IGSF10: variants seen among roughly 807,000 people sequenced by gnomAD.
IGSF10 encodes the protein calvaria mechanical force protein 608.
IGSF10 carries 126 observed loss-of-function variants against 128.2 expected under a neutral mutation model. The ratio of observed to expected loss-of-function variants is 0.98; its 90% CI spans 0.85 to 1.14. The LOEUF (loss-of-function observed/expected upper bound fraction) is 1.14. Ranked by LOEUF, IGSF10 falls within the 50% of genes most tolerant of loss-of-function variation. IGSF10 has a pLI of 0.00. For missense variants in IGSF10, 3,295 were observed against 3,149.8 expected, an observed-to-expected ratio of 1.05 and a Z score of -1.10; for synonymous variants, 1,185 against 1,146.2, an observed-to-expected ratio of 1.03 and a Z score of -0.68.
the IGSF10 span, among the ~76,000 whole-genome samples, chr3:151,594,639 T>TA: frequency 8.6e-5 from 13 of 150,324 alleles, no homozygotes; most frequent in African/African-American, 2.5e-4. Context: ...TTTTTTTTTT[T>TA]ATCAACTCTT....
intron 7 of IGSF10, among the ~76,000 whole-genome samples, chr3:151,438,980 CTTA>C (rs1485024811): frequency 6.6e-6 from 1 of 152,076 alleles, no homozygotes; most frequent in Non-Finnish European, 1.5e-5. Context: ...TTACTACCAG[CTTA>C]TTGTCTTCTA....
chr3:151,544,259 G>T, the IGSF10 span, among the ~76,000 whole-genome samples: 1 of 152,146 alleles, frequency 6.6e-6, no homozygotes, highest in Non-Finnish European at 1.5e-5. Flanking sequence ...TCAGGACTGG[G>T]TTTGCCTAGG....
chr3:151,550,246 T>G, the IGSF10 span, among the ~76,000 whole-genome samples: 1 of 152,180 alleles, frequency 6.6e-6, no homozygotes, highest in East Asian at 1.9e-4. Flanking sequence ...TTTTGGCATA[T>G]CTCCGGAGTA....
At chr3:151,494,578 A>G in the IGSF10 span, among the ~76,000 whole-genome samples, 1 of 152,108 alleles carries the variant, frequency 6.6e-6, no homozygotes, top group East Asian at 1.9e-4. Flanking sequence ...AATACGACTC[A>G]GGGTTGCAAT....
At chr3:151,548,222 A>G in the IGSF10 span, among the ~76,000 whole-genome samples, 1 of 152,178 alleles carries the variant, frequency 6.6e-6, no homozygotes, top group Non-Finnish European at 1.5e-5. Context: ...TGACTACCCT[A>G]AACATTATGC....
the IGSF10 span, among the ~76,000 whole-genome samples, chr3:151,506,946 T>C: frequency 6.6e-6 from 1 of 152,224 alleles, no homozygotes; most frequent in African/African-American, 2.4e-5. Context: ...CTATTATAGT[T>C]TTTAAATAGT....
intron 3 of IGSF10, among the ~76,000 whole-genome samples, chr3:151,458,059 A>G (rs1721882666): frequency 6.6e-6 from 1 of 152,056 alleles, no homozygotes; most frequent in African/African-American, 2.4e-5. Flanking sequence ...TTAGGCATCC[A>G]TTTTAAATAA....
the IGSF10 span, among the ~76,000 whole-genome samples, chr3:151,494,923 G>T: frequency 6.6e-6 from 1 of 151,910 alleles, no homozygotes; most frequent in African/African-American, 2.4e-5. Context: ...GAAACCTTCT[G>T]GGAAAGGCTT....
Position 151,436,880 on chromosome 3 carries a change from T to C in IGSF10, c.7681A>G (p.Thr2561Ala). 1 of 1,614,106 alleles carries C rather than the reference T, an allele frequency of 6.2e-7. No homozygotes were observed. The highest frequency in any genetic ancestry group is 8.5e-7 in the Non-Finnish European group (1 of 1,179,998). The change falls in exon 8 of 8, where the codon ACA becomes GCA. Residue 2561 changes from threonine (T) to alanine (A), a missense_variant. Transcript: ENST00000282466. Reference protein sequence around the residue: ...VALGVPKPEITWEMPDHSLLS... With the variant: ...VALGVPKPEIAWEMPDHSLLS... ...AGGGAGTGGTCAGGCATCTCCCATG[T>C]GATTTCTGGCTTGGGAACTCCCAAG...
At chr3:151,499,281 C>A in the IGSF10 span, among the ~76,000 whole-genome samples, 1 of 151,992 alleles carries the variant, frequency 6.6e-6, no homozygotes, top group Non-Finnish European at 1.5e-5. Context: ...AAAGGTAATG[C>A]CAACAGGGAA....
the IGSF10 span, among the ~76,000 whole-genome samples, chr3:151,596,474 G>A: frequency 1.1e-5 from 1 of 90,830 alleles, no homozygotes; most frequent in Non-Finnish European, 2.2e-5. Context: ...ATATTATGGT[G>A]TTTATGTGTG....
chr3:151,523,918 G>C, the IGSF10 span, among the ~76,000 whole-genome samples: 3 of 152,094 alleles, frequency 2.0e-5, no homozygotes, highest in Non-Finnish European at 2.9e-5. Context: ...TCTGACAAAG[G>C]TCTAATATCC....
At chr3:151,433,000 T>G (rs1342429563), downstream of IGSF10, 12 of 537,928 alleles carry the variant, frequency 2.2e-5, no homozygotes, top group Non-Finnish European at 3.6e-5. Context: ...TTGATTTTGT[T>G]GAATTCACCT....
chr3:151,534,624 A>T, the IGSF10 span, among the ~76,000 whole-genome samples: 1 of 36,006 alleles, frequency 2.8e-5, no homozygotes, highest in Admixed American at 3.9e-4. Context: ...ATGGGTGGGG[A>T]GGGGGGTCAT....
At chr3:151,442,018 G>A (rs969780041) in intron 7 of IGSF10, among the ~76,000 whole-genome samples, 5 of 152,228 alleles carry the variant, frequency 3.3e-5, no homozygotes, top group Admixed American at 2.6e-4. Context: ...CAGAGATCCT[G>A]CCACTGCACT....
the IGSF10 span, among the ~76,000 whole-genome samples, chr3:151,616,216 C>T: frequency 6.6e-6 from 1 of 152,154 alleles, no homozygotes; most frequent in Non-Finnish European, 1.5e-5. Flanking sequence ...ATCCTCCCGC[C>T]TCAGCCTCCC....
At chr3:151,502,751 T>A in the IGSF10 span, among the ~76,000 whole-genome samples, 1 of 152,068 alleles carries the variant, frequency 6.6e-6, no homozygotes, top group Non-Finnish European at 1.5e-5. Context: ...TAAAAAGAAC[T>A]AAAGAGCTCA....
In IGSF10 at chr3:151,443,907, A is replaced by G. The variant is rs577769170; in HGVS notation, c.5063-23T>C. The G allele has an allele frequency of 6.5e-6, 10 of 1,537,412 alleles. No homozygotes were observed. The South Asian group carries it at 1.1e-4, about 17-fold the overall frequency. ...GTCCTGAGAAGAAAAAAAGAAAATT[A>G]TTGCTACGGGTCATCAAAGTTTATT... On this transcript the variant is annotated intron_variant, in intron 6 of 7. Coordinates refer to ENST00000282466, the MANE Select transcript of IGSF10 (RefSeq NM_178822.5).
At chr3:151,504,944 G>A in the IGSF10 span, among the ~76,000 whole-genome samples, 11 of 152,250 alleles carry the variant, frequency 7.2e-5, no homozygotes, top group African/African-American at 2.4e-4. Context: ...TCAGCATTTT[G>A]GTCAAAGACA....
Sources: allele counts gnomAD v4.1 joint callset (sites outside exome capture counted in the v4.1 genomes callset), GRCh38; gene constraint gnomAD v4.1.1; transcripts MANE v1.5; gene names NCBI Gene and HGNC (gene_info 2026-07-23, HGNC 2026-07-21).